Variants in CHM observed in about 807,000 individuals in gnomAD.
The protein encoded by CHM is CHM Rab escort protein, also known as rab proteins geranylgeranyltransferase component A 1.
CHM carries 10 observed loss-of-function variants against 49.0 expected under a neutral mutation model. The ratio of observed to expected loss-of-function variants is 0.20; its 90% CI spans 0.13 to 0.35. The LOEUF is 0.35. CHM is among the 10% of genes least tolerant of loss of function. The pLI is 1.00. For synonymous variants in CHM, 184 were observed against 167.5 expected (o/e 1.10, Z -0.76); for missense variants, 455 against 478.4 (o/e 0.95, Z 0.46).
At chrX:85,965,986 CTG>C (rs1490129128) in intron 4 of CHM, among the ~76,000 whole-genome samples, 2 of 111,169 alleles carry the variant, frequency 1.8e-5, no homozygotes, top group Admixed American at 1.9e-4. Flanking sequence ...TTTTATGAAA[CTG>C]TTGTGAGATA....
At chrX:86,011,966 G>A (rs954954123) in intron 2 of CHM, among the ~76,000 whole-genome samples, 1 of 112,003 alleles carries the variant, frequency 8.9e-6, no homozygotes, top group Non-Finnish European at 1.9e-5. Context: ...CTTCGTCCCC[G>A]TAAGACTCAT....
chrX:85,889,358 C>CTATAAAAATCTATAAAA (rs1925298769), intron 12 of CHM, among the ~76,000 whole-genome samples: 1 of 111,444 alleles, frequency 9.0e-6, no homozygotes, highest in South Asian at 3.7e-4. Context: ...AAACTTAAAC[C>CTATAAAAATCTATAAAA]AACAAGAATA....
chrX:85,963,119 C>A (rs1471950235), intron 5 of CHM, among the ~76,000 whole-genome samples: 2 of 111,489 alleles, frequency 1.8e-5, no homozygotes, highest in Non-Finnish European at 3.8e-5. Flanking sequence ...CATCTACATA[C>A]CCGTCATCTA....
intron 2 of CHM, among the ~76,000 whole-genome samples, chrX:86,007,744 A>C (rs941096375): frequency 8.9e-6 from 1 of 112,426 alleles, no homozygotes; most frequent in Non-Finnish European, 1.9e-5. Context: ...AATCATTAAA[A>C]AGTCAGGAAA....
chrX:86,021,035 TATATATACAC>T (rs1933535997), intron 2 of CHM, among the ~76,000 whole-genome samples: 1 of 98,011 alleles, frequency 1.0e-5, no homozygotes, highest in East Asian at 3.2e-4. Flanking sequence ...TACACACACA[TATATATACAC>T]ATATATACAC....
At position 86,047,205 on chromosome X, in the gene CHM, T is replaced by C. The variant is rs771200352; in HGVS notation, c.49+279A>G. On this transcript the variant is annotated intron_variant, in intron 1 of 14. Coordinates refer to ENST00000357749, the MANE Select transcript of CHM (RefSeq NM_000390.4). ...CCATTTCATGACACTGCACATCCAC[T>C]TCCCTCTAAGGAAATTAACAGGAAT... The C allele has an allele frequency of 2.5e-5, 10 of 405,812 alleles. No individual in the cohort carries two copies. In the South Asian group the frequency reaches 3.5e-4, roughly 14 times the overall value. 33.4% of individuals were successfully genotyped at this position (405,812 alleles called of 1,213,427 possible). A position where few individuals can be genotyped will look rare whatever the true frequency, so the allele number is the denominator to read the frequency against.
intron 2 of CHM, among the ~76,000 whole-genome samples, chrX:86,004,410 C>T (rs1388851222): frequency 3.6e-5 from 4 of 111,663 alleles, no homozygotes; most frequent in Non-Finnish European, 5.6e-5. Flanking sequence ...TCACACATAA[C>T]AATATTAACC....
At chrX:86,027,265 G>A (rs1332249406) in intron 2 of CHM, 2 of 305,264 alleles carry the variant, frequency 6.6e-6, no homozygotes, top group Non-Finnish European at 1.1e-5. Flanking sequence ...TGATGCATTT[G>A]GTTTATTCTC....
At chrX:85,935,852 C>T (rs938290995) in intron 8 of CHM, among the ~76,000 whole-genome samples, 3 of 111,954 alleles carry the variant, frequency 2.7e-5, no homozygotes, top group Non-Finnish European at 3.8e-5. Context: ...GAAATAAAAA[C>T]GAGGAAGAGT....
chrX:85,982,530 C>T (rs1448376579), intron 2 of CHM, among the ~76,000 whole-genome samples: 1 of 111,914 alleles, frequency 8.9e-6, no homozygotes, highest in East Asian at 2.8e-4. Flanking sequence ...CAGAGGTCTC[C>T]TAAATAGGTC....
chrX:85,960,199 A>G lies in CHM; in HGVS notation c.703-1222T>C, dbSNP rs766405559. 3.6e-5 allele frequency among the ~76,000 whole-genome samples: 4 copies of G among 111,713 alleles called. No homozygotes were observed. In the East Asian group the frequency reaches 1.1e-3, roughly 31 times the overall value. ...TAAAAAGATACACATTTGAGACTCA[A>G]GGATCCCTGCATAGCCATAATAATG... On this transcript the variant is annotated intron_variant, in intron 5 of 14. Coordinates refer to ENST00000357749, the MANE Select transcript of CHM (RefSeq NM_000390.4).
chrX:85,871,078 C>T (rs563521693), intron 14 of CHM, among the ~76,000 whole-genome samples: 265 of 108,341 alleles, frequency 2.4e-3, no homozygotes, highest in Non-Finnish European at 3.7e-3. Context: ...TTTGGGAGGC[C>T]GAGGTGGGTG....
intron 2 of CHM, among the ~76,000 whole-genome samples, chrX:86,001,603 T>G (rs1932722720): frequency 9.3e-6 from 1 of 107,675 alleles, no homozygotes; most frequent in Admixed American, 1.0e-4. Flanking sequence ...AAGGGGGAGG[T>G]GCCACACACT....
intron 1 of CHM, among the ~76,000 whole-genome samples, chrX:86,043,231 C>T (rs766345967): frequency 9.0e-6 from 1 of 110,873 alleles, no homozygotes; most frequent in South Asian, 3.8e-4. Flanking sequence ...TGTAATTTTC[C>T]CAAAATCACA....
At chrX:85,868,107 T>A (rs1043549721) in intron 14 of CHM, among the ~76,000 whole-genome samples, 1 of 110,188 alleles carries the variant, frequency 9.1e-6, no homozygotes, top group Non-Finnish European at 1.9e-5. Flanking sequence ...AATTGAAGAA[T>A]CCTGTCATTT....
chrX:85,919,508 G>A (rs1403102144), intron 8 of CHM, among the ~76,000 whole-genome samples: 4 of 110,488 alleles, frequency 3.6e-5, no homozygotes, highest in African/African-American at 1.3e-4. Context: ...GAGATACAGG[G>A]ACATCTATAA....
Position 85,864,673 on chromosome X carries a change from T to C in CHM, c.1919A>G (p.Lys640Arg). 1 of 1,210,418 alleles carries C rather than the reference T, an allele frequency of 8.3e-7. No individual in the cohort carries two copies. The change falls in exon 15 of 15, where the codon AAG becomes AGG. Residue 640 changes from lysine to arginine, a missense_variant. Transcript: ENST00000357749. ...TAGGTTTCCAAGGTTTGTGCTTTCC[T>C]TGAAAGTCTCCGAGTTAGCCTCTGG... Reference protein sequence around the residue: ...AIPEANSETFKESTNLGNLEE... With the variant: ...AIPEANSETFRESTNLGNLEE...
At chrX:85,929,468 T>C (rs760865740) in intron 8 of CHM, among the ~76,000 whole-genome samples, 1 of 111,902 alleles carries the variant, frequency 8.9e-6, no homozygotes, top group Non-Finnish European at 1.9e-5. Context: ...AGCACATTCA[T>C]TCTCTCAAAT....
At position 85,900,704 on chromosome X, in the gene CHM, A is replaced by T. The variant is rs747660065; in HGVS notation, c.1355T>A (p.Ile452Asn). The T allele has an allele frequency of 7.1e-5, 84 of 1,178,979 alleles. No homozygotes were observed. Among genetic ancestry groups the T allele is most frequent in the Non-Finnish European group, 9.4e-5 (82 of 868,939 alleles). Residue 452 changes from isoleucine (I) to asparagine (N), a missense_variant, in exon 11 of 15, where the codon ATC becomes AAC. Coordinates refer to ENST00000357749, the MANE Select transcript of CHM (RefSeq NM_000390.4). ...ATCTGTAATCAGCACTGCCCTGGAG[A>T]TCTGCCTGTAATGCACAAAACAGTG... is the stretch of plus-strand genomic sequence containing the variant. The part of the protein sequence containing the change: ...NMCSRVQYRQ[I>N]SRAVLITDRS...
Sources: allele counts gnomAD v4.1 joint callset (sites outside exome capture counted in the v4.1 genomes callset), GRCh38; gene constraint gnomAD v4.1.1; transcripts MANE v1.5; gene names NCBI Gene and HGNC (gene_info 2026-07-23, HGNC 2026-07-21).